SVOPL: variants seen among roughly 807,000 people sequenced by gnomAD.
SVOPL encodes the protein SVOP like, also known as putative transporter SVOPL.
In SVOPL, 60 loss-of-function variants were observed where a neutral mutation model predicts 61.0. The observed-to-expected ratio is 0.98, with a 90% CI of 0.80 to 1.22. SVOPL has a LOEUF of 1.22. SVOPL is among the 50% of genes most tolerant of loss of function. The probability of loss-of-function intolerance (pLI) is 0.00; values close to 1 mark genes in which losing one functional copy is unlikely to be tolerated. For synonymous variants in SVOPL, 279 were observed against 250.0 expected (o/e 1.12, Z -1.09); for missense variants, 662 against 643.9 (o/e 1.03, Z -0.30).
At chr7:138,648,815 G>A (rs112355576) in intron 8 of SVOPL, among the ~76,000 whole-genome samples, 197 bp downstream of exon 8, 5,868 of 151,578 alleles carry the variant, frequency 0.039, 150 homozygotes, top group Middle Eastern at 0.095. Flanking sequence ...CCAGCTACTC[G>A]GGAGGCTGAG....
chr7:138,686,153 AGCACTTT>A (rs66799975), intron 1 of SVOPL, among the ~76,000 whole-genome samples: 28,956 of 151,934 alleles, frequency 0.19, 2,894 homozygotes, highest in Middle Eastern at 0.29. Context: ...CTGTAATCCC[AGCACTTT>A]GGGAGGCCGA....
At position 138,633,601 on chromosome 7, in the gene SVOPL, C is replaced by A. The variant is rs569898623; in HGVS notation, c.790-3479G>T. Among the ~76,000 whole-genome samples the A allele has an allele frequency of 2.8e-3, 432 of 152,122 alleles. 1 individual carries two copies. Among genetic ancestry groups the A allele is most frequent in the Non-Finnish European group, 4.9e-3 (334 of 68,006 alleles). On this transcript the variant is annotated intron_variant, in intron 9 of 15. Transcript: ENST00000674285. ...CAAATAAATCTCTTTTAACAGTCAC[C>A]CAGTCTCAGGTATTCCTTTATAGCA... is the stretch of plus-strand genomic sequence containing the variant.
At chr7:138,604,130 G>GT (rs903287100) in intron 14 of SVOPL, among the ~76,000 whole-genome samples, 5 of 151,390 alleles carry the variant, frequency 3.3e-5, no homozygotes, top group South Asian at 4.2e-4. Context: ...CACCCAGCTA[G>GT]TTTTTTTATT....
At chr7:138,699,950 G>A (rs1803153891) in intron 1 of SVOPL, among the ~76,000 whole-genome samples, 1 of 152,192 alleles carries the variant, frequency 6.6e-6, no homozygotes, top group African/African-American at 2.4e-5. Context: ...CTGCAACAGA[G>A]AAAGTCCTCA....
At chr7:138,663,365 G>C (rs1802086906) in intron 4 of SVOPL, 1 of 1,403,194 alleles carries the variant, frequency 7.1e-7, no homozygotes, top group Non-Finnish European at 9.2e-7. Flanking sequence ...TCCTGCCCCA[G>C]GTGGAAACGG....
intron 1 of SVOPL, among the ~76,000 whole-genome samples, chr7:138,680,664 T>C (rs1209426484): frequency 1.3e-5 from 2 of 151,972 alleles, no homozygotes; most frequent in South Asian, 4.2e-4. Context: ...CTGCAAGCTC[T>C]GCCTCCCGGG....
chr7:138,654,343 C>G (rs74446037), intron 7 of SVOPL, among the ~76,000 whole-genome samples: 1 of 152,062 alleles, frequency 6.6e-6, no homozygotes, highest in Non-Finnish European at 1.5e-5. Context: ...TTTGATTACA[C>G]GAATGTATTA....
chr7:138,694,244 T>C (rs1409362772), intron 1 of SVOPL, among the ~76,000 whole-genome samples: 1 of 152,162 alleles, frequency 6.6e-6, no homozygotes, highest in Non-Finnish European at 1.5e-5. Flanking sequence ...CACCACACTG[T>C]TGGGTTTTTT....
At chr7:138,602,963 C>T (rs780976124) in intron 14 of SVOPL, among the ~76,000 whole-genome samples, 6 of 152,102 alleles carry the variant, frequency 3.9e-5, no homozygotes, top group Non-Finnish European at 7.3e-5. Context: ...GATAGATATA[C>T]AGATATTCAT....
At chr7:138,686,457 C>CATCAAGG (rs1049287144) in intron 1 of SVOPL, among the ~76,000 whole-genome samples, 1 of 148,056 alleles carries the variant, frequency 6.8e-6, no homozygotes, top group African/African-American at 2.5e-5. Flanking sequence ...TGTAGTAGCA[C>CATCAAGG]ATCAAGGTCA....
chr7:138,636,760 C>A (rs1390598172), intron 9 of SVOPL, among the ~76,000 whole-genome samples: 1 of 151,998 alleles, frequency 6.6e-6, no homozygotes, highest in Non-Finnish European at 1.5e-5. Context: ...TGTGAGCCAC[C>A]ACACCCGGCG....
intron 13 of SVOPL, among the ~76,000 whole-genome samples, chr7:138,622,262 C>CTATCTATGTAACTATCTATCTATCTATG (rs1799692891): frequency 1.1e-5 from 1 of 93,730 alleles, no homozygotes; most frequent in African/African-American, 4.1e-5. Context: ...ATGTATCTAT[C>CTATCTATGTAACTATCTATCTATCTATG]TATCTATGTA....
chr7:138,629,158 T>TATAC (rs2116918857), intron 10 of SVOPL, among the ~76,000 whole-genome samples: 1 of 151,370 alleles, frequency 6.6e-6, no homozygotes, highest in African/African-American at 2.4e-5. Flanking sequence ...TGTGTGTATA[T>TATAC]ATGTATATAT....
At chr7:138,634,765 C>G (rs1374835433) in intron 9 of SVOPL, among the ~76,000 whole-genome samples, 2 of 151,698 alleles carry the variant, frequency 1.3e-5, no homozygotes, top group African/African-American at 4.8e-5. Context: ...GAGTTCAAGA[C>G]CAGCTTGGGC....
At chr7:138,673,131 C>T (rs538738679) in intron 3 of SVOPL, among the ~76,000 whole-genome samples, 12 of 151,246 alleles carry the variant, frequency 7.9e-5, no homozygotes, top group Non-Finnish European at 1.6e-4. Context: ...CATGTTCTGT[C>T]GATAACATTG....
intron 8 of SVOPL, among the ~76,000 whole-genome samples, chr7:138,646,739 G>C (rs572738755): frequency 6.6e-6 from 1 of 152,180 alleles, no homozygotes; most frequent in South Asian, 2.1e-4. Flanking sequence ...GGCTGGTCTT[G>C]AACTCCTGGG....
At chr7:138,671,955 G>T in intron 4 of SVOPL, 64 bp downstream of exon 4, 1 of 1,453,928 alleles carries the variant, frequency 6.9e-7, no homozygotes, top group Non-Finnish European at 9.4e-7. Flanking sequence ...AGCCCTGCAG[G>T]ATGGAGGAAA....
chr7:138,630,681 G>A (rs577514317), intron 9 of SVOPL, among the ~76,000 whole-genome samples: 9 of 152,242 alleles, frequency 5.9e-5, no homozygotes, highest in East Asian at 1.9e-4. Flanking sequence ...GGGGGCTCAC[G>A]CCTGTAATCC....
chr7:138,597,998 T>C (rs1039350608), intron 14 of SVOPL, among the ~76,000 whole-genome samples: 6 of 152,188 alleles, frequency 3.9e-5, no homozygotes, highest in Admixed American at 2.6e-4. Flanking sequence ...TGAAGCTTCG[T>C]AACAAGACTC....
Sources: allele counts gnomAD v4.1 joint callset (sites outside exome capture counted in the v4.1 genomes callset), GRCh38; gene constraint gnomAD v4.1.1; transcripts MANE v1.5; gene names NCBI Gene and HGNC (gene_info 2026-07-23, HGNC 2026-07-21).